Variants in HSD17B12 observed in about 807,000 individuals in gnomAD.
The protein encoded by HSD17B12 is hydroxysteroid 17-beta dehydrogenase 12, also known as very-long-chain 3-oxoacyl-CoA reductase.
Under a neutral mutation model 39.3 loss-of-function variants are expected in HSD17B12, and 32 were observed. The ratio of observed to expected loss-of-function variants is 0.81; its 90% CI spans 0.61 to 1.09. HSD17B12 has a LOEUF of 1.09. HSD17B12 is among the 50% of genes least tolerant of loss of function. HSD17B12 has a pLI of 0.00. For synonymous variants in HSD17B12, 150 were observed against 146.7 expected, an observed-to-expected ratio of 1.02 and a Z score of -0.16; for missense variants, 342 against 382.9, an observed-to-expected ratio of 0.89 and a Z score of 0.89.
At chr11:43,668,743 C>T in the HSD17B12 span, among the ~76,000 whole-genome samples, 5 of 152,158 alleles carry the variant, frequency 3.3e-5, no homozygotes, top group East Asian at 9.7e-4. Context: ...TGCTCTGTCA[C>T]TCTGGCTGGA....
the HSD17B12 span, among the ~76,000 whole-genome samples, chr11:43,617,662 C>T: frequency 2.6e-5 from 4 of 152,080 alleles, no homozygotes; most frequent in Non-Finnish European, 4.4e-5. Context: ...AGTCTGTGTA[C>T]GCCAAAACCA....
chr11:43,683,182 AGT>A (rs745976463), intron 1 of HSD17B12, among the ~76,000 whole-genome samples: 89 of 150,644 alleles, frequency 5.9e-4, no homozygotes, highest in Non-Finnish European at 1.1e-3. Context: ...TCTACATATG[AGT>A]GTACAGTAAA....
rs1268028934 is a variant in HSD17B12, at chr11:43,778,011, C to CA, written c.284-20302dup. Among the ~76,000 whole-genome samples, 6 of 151,488 alleles carry CA rather than the reference C, an allele frequency of 4.0e-5. No individual in the cohort carries two copies. In the South Asian group the frequency reaches 8.3e-4, roughly 21 times the overall value. Reference sequence around the variant, plus strand: ...AGCAGAACTGAAGGAAATAGAGACACAAAAAAACCCTTCAAAAAATTAATG... The same window carrying CA: ...AGCAGAACTGAAGGAAATAGAGACACAAAAAAAACCCTTCAAAAAATTAATG... On this transcript the variant is annotated intron_variant, in intron 3 of 10. Coordinates refer to ENST00000278353, the MANE Select transcript of HSD17B12 (RefSeq NM_016142.3).
At chr11:43,830,103 G>A (rs759363627) in intron 6 of HSD17B12, 3 of 152,074 alleles carry the variant, frequency 2.0e-5, no homozygotes, top group Non-Finnish European at 1.5e-5. Flanking sequence ...TCAGAATGCT[G>A]TCTACTTTAA....
At chr11:43,784,331 T>C (rs1202388473) in intron 3 of HSD17B12, among the ~76,000 whole-genome samples, 1 of 148,304 alleles carries the variant, frequency 6.7e-6, no homozygotes, top group Non-Finnish European at 1.5e-5. Context: ...ATTATTATTA[T>C]TATTATTATT....
At chr11:43,600,781 G>A in the HSD17B12 span, among the ~76,000 whole-genome samples, 28 of 151,800 alleles carry the variant, frequency 1.8e-4, no homozygotes, top group Admixed American at 5.9e-4. Context: ...AATGATTTGC[G>A]TTAATATAAT....
At chr11:43,842,326 G>T (rs77401113) in intron 9 of HSD17B12, among the ~76,000 whole-genome samples, 2 of 152,080 alleles carry the variant, frequency 1.3e-5, no homozygotes, top group Admixed American at 1.3e-4. Flanking sequence ...AAAGGAAGGG[G>T]GGATGACTGT....
rs149556846 is a variant in HSD17B12 at position 43,746,523 on chromosome 11, C to T, written c.161-4388C>T. Among the ~76,000 whole-genome samples the T allele has an allele frequency of 2.3e-3, 352 of 152,280 alleles. 1 individual carries two copies. Among genetic ancestry groups the T allele is most frequent in the African/African-American group, 8.1e-3 (336 of 41,546 alleles). ...TTCAGACTCAATCACACACATAGAG[C>T]TGCCATCTCCTATGATAACAGTGCT... On this transcript the variant is annotated intron_variant, in intron 1 of 10. Coordinates refer to ENST00000278353, the MANE Select transcript of HSD17B12 (RefSeq NM_016142.3).
chr11:43,651,272 C>T, the HSD17B12 span, among the ~76,000 whole-genome samples: 2 of 152,162 alleles, frequency 1.3e-5, no homozygotes. Context: ...ATGATGATAA[C>T]GTGCTGTGAA....
At chr11:43,790,640 A>G (rs1199083558) in intron 3 of HSD17B12, among the ~76,000 whole-genome samples, 1 of 152,198 alleles carries the variant, frequency 6.6e-6, no homozygotes, top group East Asian at 1.9e-4. Context: ...TCACACTGAG[A>G]GCAGGACAGT....
At chr11:43,681,228 C>A in intron 1 of HSD17B12, 1 of 1,195,040 alleles carries the variant, frequency 8.4e-7, no homozygotes, top group Non-Finnish European at 1.1e-6. Context: ...CTAAGCTCAG[C>A]TTAGGGTGTA....
chr11:43,619,269 A>C, the HSD17B12 span, among the ~76,000 whole-genome samples: 1 of 139,876 alleles, frequency 7.1e-6, no homozygotes. Flanking sequence ...TTTTATATAT[A>C]TATGTAAAAT....
chr11:43,689,846 G>A (rs2134777080), intron 1 of HSD17B12, among the ~76,000 whole-genome samples: 1 of 152,174 alleles, frequency 6.6e-6, no homozygotes, highest in South Asian at 2.1e-4. Context: ...ACCGCACCCG[G>A]CCTGAACAAG....
At chr11:43,674,218 T>A in the HSD17B12 span, among the ~76,000 whole-genome samples, 1 of 152,198 alleles carries the variant, frequency 6.6e-6, no homozygotes, top group Non-Finnish European at 1.5e-5. Context: ...CTTCATTAGA[T>A]GTTAAATTTC....
intron 1 of HSD17B12, among the ~76,000 whole-genome samples, chr11:43,711,282 G>A (rs554921864): frequency 6.6e-6 from 1 of 152,174 alleles, no homozygotes; most frequent in South Asian, 2.1e-4. Flanking sequence ...CTGGATTAGT[G>A]TATCATTTTA....
the HSD17B12 span, among the ~76,000 whole-genome samples, chr11:43,562,033 A>ATTTCGC: frequency 6.6e-6 from 1 of 152,198 alleles, no homozygotes; most frequent in Non-Finnish European, 1.5e-5. Context: ...TGGGCAAATT[A>ATTTCGC]TTTCGCTTCT....
intron 3 of HSD17B12, among the ~76,000 whole-genome samples, chr11:43,760,344 C>T (rs1420382209): frequency 6.6e-6 from 1 of 152,144 alleles, no homozygotes; most frequent in Non-Finnish European, 1.5e-5. Context: ...GCCACTGCGC[C>T]CAGCCCACGG....
intron 3 of HSD17B12, among the ~76,000 whole-genome samples, chr11:43,775,843 G>A (rs1391588130): frequency 6.7e-6 from 1 of 148,340 alleles, no homozygotes; most frequent in African/African-American, 2.5e-5. Context: ...CCACCTATGA[G>A]TGAGAATATG....
chr11:43,712,887 A>T (rs367762392), intron 1 of HSD17B12, among the ~76,000 whole-genome samples: 2 of 152,284 alleles, frequency 1.3e-5, no homozygotes, highest in East Asian at 3.9e-4. Context: ...GTTAATGTAA[A>T]CTTTTACATG....
Sources: allele counts gnomAD v4.1 joint callset (sites outside exome capture counted in the v4.1 genomes callset), GRCh38; gene constraint gnomAD v4.1.1; transcripts MANE v1.5; gene names NCBI Gene and HGNC (gene_info 2026-07-23, HGNC 2026-07-21).